TTYH2: variants seen among roughly 807,000 people sequenced by gnomAD.
TTYH2 encodes protein tweety homolog 2.
A neutral mutation model predicts 68.3 loss-of-function variants in TTYH2; 49 were observed. That is an observed-to-expected ratio of 0.72 (90% confidence interval 0.57 to 0.91). The LOEUF (loss-of-function observed/expected upper bound fraction) is 0.91, where lower values mean the gene tolerates loss of function less well. TTYH2 is among the 40% of genes least tolerant of loss of function. The pLI is 0.00. For synonymous variants in TTYH2, 272 were observed against 300.8 expected (o/e 0.90, Z 0.99); for missense variants, 631 against 700.4 (o/e 0.90, Z 1.12).
chr17:74,245,781 C>T (rs923827915), intron 6 of TTYH2, among the ~76,000 whole-genome samples: 4 of 152,168 alleles, frequency 2.6e-5, no homozygotes, highest in Non-Finnish European at 4.4e-5. Context: ...GGCCGGCTGT[C>T]CCGGGGTTGT....
At position 74,215,304 on chromosome 17, in the gene TTYH2, G is replaced by T. The variant is rs1220073047; in HGVS notation, c.129+1588G>T. Reference sequence around the variant, plus strand: ...AAATCTAAACTTTTCATTGGGTCAAGAAGACCCCTAGGTGGGGGTAGGGAT... The same window carrying T: ...AAATCTAAACTTTTCATTGGGTCAATAAGACCCCTAGGTGGGGGTAGGGAT... On this transcript the variant is annotated intron_variant, in intron 1 of 13. Transcript: ENST00000269346. The surrounding 1 kb of genome is among the most constrained non-coding windows in gnomAD (Gnocchi z 4.3). Among the ~76,000 whole-genome samples, 1 of 152,058 alleles carries T rather than the reference G, an allele frequency of 6.6e-6. No individual in the cohort carries two copies. Among genetic ancestry groups the T allele is most frequent in the Admixed American group, 6.5e-5 (1 of 15,272 alleles).
Position 74,214,232 on chromosome 17 carries a change from C to T in TTYH2, c.129+516C>T, listed in dbSNP as rs79311748. On this transcript the variant is annotated intron_variant, in intron 1 of 13. Transcript: ENST00000269346. The surrounding 1 kb of genome is among the most constrained non-coding windows in gnomAD (Gnocchi z 4.6). Reference sequence around the variant, plus strand: ...TCTTCGCAGCACCCCTCCTCCCCAGCCCCGGCCTGCAGGGTGGGAGTCTCA... The same window carrying T: ...TCTTCGCAGCACCCCTCCTCCCCAGTCCCGGCCTGCAGGGTGGGAGTCTCA... Among the ~76,000 whole-genome samples the T allele has an allele frequency of 3.5e-3, 539 of 152,226 alleles. 2 individuals are homozygous for T. The highest frequency in any genetic ancestry group is 0.012 in the African/African-American group (501 of 41,530).
intron 13 of TTYH2, 26 bp from the exon 14 acceptor site, chr17:74,260,103 C>G (rs761371282): frequency 6.2e-7 from 1 of 1,608,480 alleles, no homozygotes; most frequent in Non-Finnish European, 8.5e-7. Flanking sequence ...TCAGCTCTGA[C>G]CATCCCCTCT....
At position 74,252,247 on chromosome 17, in the gene TTYH2, C is replaced by T. The variant is rs2050639240; in HGVS notation, c.1130C>T (p.Ala377Val). The T allele has an allele frequency of 6.2e-7, 1 of 1,612,944 alleles. No homozygotes were observed. The highest frequency in any genetic ancestry group is 8.5e-7 in the Non-Finnish European group (1 of 1,180,044). The change falls in exon 11 of 14, where the codon GCT (alanine) becomes GTT (valine). Residue 377 changes from alanine (A) to valine (V), a missense_variant. Ala to Val is a moderately conservative substitution (Grantham distance 64). Coordinates refer to ENST00000269346, the MANE Select transcript of TTYH2 (RefSeq NM_032646.6). ...CTCTTCCTCCAGGATTATCTGGACG[C>T]TCTTGCTGGCATCTGCTACGACGGC... is the stretch of plus-strand genomic sequence containing the variant. The part of the protein sequence containing the change: ...CRGLHKDYLD[A>V]LAGICYDGLQ...
chr17:74,229,557 CCTG>C (rs2050366382), intron 2 of TTYH2, among the ~76,000 whole-genome samples: 1 of 151,750 alleles, frequency 6.6e-6, no homozygotes, highest in African/African-American at 2.4e-5. Context: ...AAGTCAAAAA[CCTG>C]CTCTCCATAG....
rs766416652 is a variant in TTYH2 at position 74,222,506 on chromosome 17, G to A, written c.151G>A (p.Val51Met). 80 of 1,610,682 alleles carry A rather than the reference G, an allele frequency of 5.0e-5. No individual in the cohort carries two copies. In the South Asian group the frequency reaches 8.4e-4, roughly 17 times the overall value. The part of the protein sequence containing the change: ...YQESLLFLGL[V>M]AAVCLGLNLI... ...CCAGTCGCTGCTGTTCCTGGGGCTG[G>A]TGGCCGCCGTCTGCCTGGGCCTGAA... The change falls in exon 2 of 14, where the codon GTG becomes ATG. Residue 51 changes from valine (V) to methionine (M), a missense_variant. Transcript: ENST00000269346. The surrounding 1 kb of genome is among the most constrained non-coding windows in gnomAD (Gnocchi z 5.2).
At chr17:74,228,908 C>T (rs761423424) in intron 2 of TTYH2, among the ~76,000 whole-genome samples, 3 of 152,144 alleles carry the variant, frequency 2.0e-5, no homozygotes, top group Non-Finnish European at 4.4e-5. Flanking sequence ...ACCTTAGTCC[C>T]AAGAAGGACA....
intron 3 of TTYH2, 109 bp from the exon 4 acceptor site, chr17:74,237,185 C>T (rs2050451686): frequency 8.5e-6 from 9 of 1,061,818 alleles, no homozygotes; most frequent in South Asian, 5.8e-5. Flanking sequence ...CAGGCATGAG[C>T]GTAATTATCG....
chr17:74,222,500 G>C lies in TTYH2; in HGVS notation c.145G>C (p.Gly49Arg). ...ESYQESLLFLGLVAAVCLGLN... is the reference protein window; with the variant it reads ...ESYQESLLFLRLVAAVCLGLN... ...TCTCTTCCAGTCGCTGCTGTTCCTG[G>C]GGCTGGTGGCCGCCGTCTGCCTGGG... The change falls in exon 2 of 14, where the codon GGG becomes CGG. Residue 49 changes from glycine to arginine, a missense_variant. Transcript: ENST00000269346. The surrounding 1 kb of genome is among the most constrained non-coding windows in gnomAD (Gnocchi z 5.2). 6.2e-7 allele frequency: 1 copy of C among 1,610,296 alleles called. No individual in the cohort carries two copies. Among genetic ancestry groups the C allele is most frequent in the Non-Finnish European group, 8.5e-7 (1 of 1,179,728 alleles).
intron 3 of TTYH2, among the ~76,000 whole-genome samples, chr17:74,234,145 C>A (rs368985240): frequency 6.6e-6 from 1 of 152,318 alleles, no homozygotes; most frequent in East Asian, 1.9e-4. Context: ...GCCCTGCCCC[C>A]AGAGGTTCCG....
intron 6 of TTYH2, among the ~76,000 whole-genome samples, chr17:74,244,822 C>T (rs1349161275): frequency 1.3e-5 from 2 of 151,910 alleles, no homozygotes; most frequent in Non-Finnish European, 2.9e-5. Context: ...AGGCAGATCA[C>T]TGCAACCCCA....
Position 74,215,776 on chromosome 17 carries a change from C to T in TTYH2, c.129+2060C>T, listed in dbSNP as rs780517375. 6 of 1,470,992 alleles carry T rather than the reference C, an allele frequency of 4.1e-6. No individual in the cohort carries two copies. The African/African-American group carries it at 8.4e-5, about 20-fold the overall frequency. The allele number at this position is 1,470,992 out of a possible 1,614,324, so 91.1% of individuals were successfully genotyped here. A position where few individuals can be genotyped will look rare whatever the true frequency, so the allele number is the denominator to read the frequency against. On this transcript the variant is annotated intron_variant, in intron 1 of 13. Transcript: ENST00000269346. The surrounding 1 kb of genome is among the most constrained non-coding windows in gnomAD (Gnocchi z 4.3). ...GTCTTCTTTCCTCCTGAGCACCAGT[C>T]ACTAACAGAGTCAGGTGGACCGTCG... is the stretch of plus-strand genomic sequence containing the variant.
chr17:74,222,565 A>G lies in TTYH2; in HGVS notation c.210A>G (p.Ala70=), dbSNP rs769671451. 3.7e-6 allele frequency: 6 copies of G among 1,612,760 alleles called. No homozygotes were observed. Among genetic ancestry groups the G allele is most frequent in the African/African-American group, 1.3e-5 (1 of 75,048 alleles). Reference sequence around the variant, plus strand: ...TCCTTGTGGCTTACCTGGTCTGTGCATGCCACTGCCGGCGGGACGATGCGG... The same window carrying G: ...TCCTTGTGGCTTACCTGGTCTGTGCGTGCCACTGCCGGCGGGACGATGCGG... The part of the protein sequence containing the change: ...LIFLVAYLVC[A]CHCRRDDAVQ... The change falls in exon 2 of 14, where the codon GCA becomes GCG. Residue 70 remains alanine, a synonymous_variant. Transcript: ENST00000269346. This position sits in a 1 kb window ranked among gnomAD's most constrained non-coding sequence, Gnocchi z 5.2.
intron 1 of TTYH2, among the ~76,000 whole-genome samples, chr17:74,216,376 A>C (rs1347980148): frequency 6.6e-6 from 1 of 152,174 alleles, no homozygotes; most frequent in African/African-American, 2.4e-5. Flanking sequence ...GGAAACAGGC[A>C]GGTGCTGGCC....
Position 74,222,418 on chromosome 17 carries a change from G to A in TTYH2, c.130-67G>A. ...GCAGTGGGGCACTCAGGGCCCAAGG[G>A]CAGGGCACTTCCAGAGCCCCGCACT... On this transcript the variant is annotated intron_variant, in intron 1 of 13. Coordinates refer to ENST00000269346, the MANE Select transcript of TTYH2 (RefSeq NM_032646.6). The surrounding 1 kb of genome is among the most constrained non-coding windows in gnomAD (Gnocchi z 5.2). 1 of 1,509,846 alleles carries A rather than the reference G, an allele frequency of 6.6e-7. No individual in the cohort carries two copies. Among genetic ancestry groups the A allele is most frequent in the Non-Finnish European group, 8.9e-7 (1 of 1,126,844 alleles). 93.5% of individuals were successfully genotyped at this position (1,509,846 alleles called of 1,614,324 possible).
rs1308502599 is a variant in TTYH2, at chr17:74,243,375, T to C, written c.637T>C (p.Trp213Arg). 6.2e-7 allele frequency: 1 copy of C among 1,613,894 alleles called. No homozygotes were observed. The highest frequency in any genetic ancestry group is 8.5e-7 in the Non-Finnish European group (1 of 1,179,896). The stretch of plus-strand genomic sequence containing the variant: ...GACCATCCCTGCCCCTCTACCCAGG[T>C]GGCTCTCCTACCTCCTGCTCTTTAT... Reference protein sequence around the residue: ...DQTGYVEYYRWLSYLLLFILD... With the variant: ...DQTGYVEYYRRLSYLLLFILD... Residue 213 changes from tryptophan to arginine, a missense_variant and splice_region_variant, in exon 5 of 14, where the codon TGG becomes CGG. Trp to Arg is a moderately radical substitution (Grantham distance 101). Transcript: ENST00000269346.
chr17:74,244,259 G>C (rs549808351), intron 6 of TTYH2, among the ~76,000 whole-genome samples: 1 of 152,366 alleles, frequency 6.6e-6, no homozygotes, highest in South Asian at 2.1e-4. Context: ...CCCAGGGTCA[G>C]AGCCAGGATA....
At chr17:74,242,992 GT>G (rs1380962615) in intron 4 of TTYH2, among the ~76,000 whole-genome samples, 1 of 151,442 alleles carries the variant, frequency 6.6e-6, no homozygotes, top group Non-Finnish European at 1.5e-5. Context: ...ATTAAGTAAA[GT>G]TTAAAATGTA....
chr17:74,244,423 A>G (rs937754928), intron 6 of TTYH2, among the ~76,000 whole-genome samples: 21 of 152,198 alleles, frequency 1.4e-4, no homozygotes, highest in Admixed American at 2.0e-4. Context: ...GTAGGGGTCC[A>G]AGCCTCAGAC....
Sources: allele counts gnomAD v4.1 joint callset (sites outside exome capture counted in the v4.1 genomes callset), GRCh38; gene constraint gnomAD v4.1.1; non-coding constraint Gnocchi (gnomAD v3.1); transcripts MANE v1.5; gene names NCBI Gene and HGNC (gene_info 2026-07-23, HGNC 2026-07-21).